ADAMTSL1: variants seen among roughly 807,000 people sequenced by gnomAD.
ADAMTSL1 encodes the protein ADAMTS like 1, also known as ADAMTS-like protein 1.
In ADAMTSL1, 126 loss-of-function variants were observed where a neutral mutation model predicts 201.8. The observed-to-expected ratio is 0.62, with a 90% confidence interval of 0.54 to 0.72. The LOEUF (loss-of-function observed/expected upper bound fraction) is 0.72, where lower values mean the gene tolerates loss of function less well. Among genes scored for constraint, ADAMTSL1 ranks in the 30% least tolerant of loss-of-function variants. ADAMTSL1 has a pLI of 0.00. For missense variants in ADAMTSL1, 2,679 were observed against 2,277.8 expected (o/e 1.18, Z -3.59); for synonymous variants, 1,121 against 903.4 (o/e 1.24, Z -4.32).
At chr9:18,114,045 G>T (rs949835564) in intron 1 of ADAMTSL1, among the ~76,000 whole-genome samples, 4 of 152,058 alleles carry the variant, frequency 2.6e-5, no homozygotes, top group African/African-American at 9.7e-5. Flanking sequence ...AGACCCACAA[G>T]AAGGATCAAA....
At chr9:18,498,478 A>C (rs1351819026) in intron 1 of ADAMTSL1, among the ~76,000 whole-genome samples, 1 of 152,016 alleles carries the variant, frequency 6.6e-6, no homozygotes, top group Non-Finnish European at 1.5e-5. Context: ...CTAGGATTAC[A>C]GGCAAGCGTC....
chr9:18,045,349 G>C (rs562655008), intron 1 of ADAMTSL1, among the ~76,000 whole-genome samples: 1 of 152,112 alleles, frequency 6.6e-6, no homozygotes, highest in Non-Finnish European at 1.5e-5. Flanking sequence ...AGCAGTTGGA[G>C]TTGGCATGAG....
chr9:18,092,311 T>C (rs1016029724), intron 1 of ADAMTSL1, among the ~76,000 whole-genome samples: 2 of 152,132 alleles, frequency 1.3e-5, no homozygotes, highest in Non-Finnish European at 2.9e-5. Flanking sequence ...ATTATCTCTC[T>C]GGGAAGGCGA....
chr9:17,910,438 T>A (rs1825877282), intron 1 of ADAMTSL1, among the ~76,000 whole-genome samples: 1 of 68,810 alleles, frequency 1.5e-5, no homozygotes, highest in African/African-American at 2.9e-5. Flanking sequence ...TTTCTTGGCA[T>A]TCATGACAAG....
At chr9:18,711,269 C>A (rs576677154) in intron 14 of ADAMTSL1, among the ~76,000 whole-genome samples, 2 of 152,194 alleles carry the variant, frequency 1.3e-5, no homozygotes. Context: ...GGAACAGCTC[C>A]GATCTACAGC....
At chr9:18,458,816 C>T (rs999864913) in intron 2 of ADAMTSL1, among the ~76,000 whole-genome samples, 1 of 152,144 alleles carries the variant, frequency 6.6e-6, no homozygotes, top group Non-Finnish European at 1.5e-5. Context: ...TCATGAAATT[C>T]TAGAGCTTGA....
rs1554650792 is a variant in ADAMTSL1 at position 18,289,175 on chromosome 9, A to ATCTATCTC, written c.207+125194_207+125195insTCTATCTC. 3.4e-5 allele frequency among the ~76,000 whole-genome samples: 4 copies of ATCTATCTC among 117,218 alleles called. No homozygotes were observed. In the East Asian group the frequency reaches 5.8e-4, roughly 17 times the overall value. 76.9% of individuals were successfully genotyped at this position (117,218 alleles called of 152,430 possible). A position where few individuals can be genotyped will look rare whatever the true frequency, so the allele number is the denominator to read the frequency against. On this transcript the variant is annotated intron_variant, in intron 2 of 29. Coordinates refer to the ADAMTSL1 transcript ENST00000680146. Reference sequence around the variant, plus strand: ...TATCTATCTATCTATCTATCTATCTACCTACCTATCTATCTATAGAGAGAT... The same window carrying ATCTATCTC: ...TATCTATCTATCTATCTATCTATCTATCTATCTCCCTACCTATCTATCTATAGAGAGAT...
chr9:18,321,886 A>G (rs911642594), intron 2 of ADAMTSL1, among the ~76,000 whole-genome samples: 2 of 152,238 alleles, frequency 1.3e-5, no homozygotes, highest in Non-Finnish European at 2.9e-5. Context: ...ATCATATGCT[A>G]TATGATAAAC....
chr9:18,194,805 C>A (rs1829109313), intron 2 of ADAMTSL1, among the ~76,000 whole-genome samples: 1 of 152,098 alleles, frequency 6.6e-6, no homozygotes, highest in African/African-American at 2.4e-5. Flanking sequence ...CCTAGACTTT[C>A]TGTACACCCA....
In ADAMTSL1 at chr9:18,015,423, C is replaced by T. The variant is rs536180723; in HGVS notation, c.87+108501C>T. On this transcript the variant is annotated intron_variant, in intron 1 of 29. Transcript: ENST00000680146. ...CAACTCCCTTTCTTCCTATTCCTGC[C>T]ACTCCCTTGGGGTCACCCAAAGCTT... Among the ~76,000 whole-genome samples, 9 of 152,184 alleles carry T rather than the reference C, an allele frequency of 5.9e-5. No individual in the cohort carries two copies. In the South Asian group the frequency reaches 1.9e-3, roughly 32 times the overall value.
intron 2 of ADAMTSL1, among the ~76,000 whole-genome samples, chr9:18,508,684 A>G (rs1197727480): frequency 6.6e-6 from 1 of 152,212 alleles, no homozygotes. Flanking sequence ...AGTTATAGTC[A>G]TGTATAAAAA....
intron 1 of ADAMTSL1, among the ~76,000 whole-genome samples, chr9:18,070,086 A>G (rs1008708602): frequency 1.4e-4 from 22 of 152,246 alleles, no homozygotes; most frequent in Admixed American, 4.6e-4. Flanking sequence ...ATGTGAGGCT[A>G]CAGGTCTATA....
At chr9:17,929,651 TTTG>T (rs1826699497) in intron 1 of ADAMTSL1, among the ~76,000 whole-genome samples, 1 of 152,150 alleles carries the variant, frequency 6.6e-6, no homozygotes, top group Non-Finnish European at 1.5e-5. Context: ...CTTTGCACAA[TTTG>T]TTTTCTTTGC....
intron 1 of ADAMTSL1, among the ~76,000 whole-genome samples, chr9:18,497,496 G>C (rs1822590318): frequency 6.6e-6 from 1 of 152,032 alleles, no homozygotes; most frequent in African/African-American, 2.4e-5. Context: ...ATCTCCTTTA[G>C]TCTTCCAAAT....
At chr9:18,591,706 A>T (rs1009599260) in intron 4 of ADAMTSL1, among the ~76,000 whole-genome samples, 1 of 152,172 alleles carries the variant, frequency 6.6e-6, no homozygotes, top group African/African-American at 2.4e-5. Context: ...CTAGGCTCAA[A>T]CACATCTTTA....
At chr9:17,907,323 C>T (rs578247004) in intron 1 of ADAMTSL1, among the ~76,000 whole-genome samples, 28 of 152,190 alleles carry the variant, frequency 1.8e-4, no homozygotes, top group Non-Finnish European at 3.8e-4. Flanking sequence ...GCTTGGGCGG[C>T]GCCGGGGACA....
intron 2 of ADAMTSL1, among the ~76,000 whole-genome samples, chr9:18,258,185 A>G (rs886325148): frequency 2.0e-5 from 3 of 152,260 alleles, no homozygotes; most frequent in Non-Finnish European, 2.9e-5. Context: ...TTGTACACTT[A>G]AAAATAGGCA....
rs1835509522 is a variant in ADAMTSL1 at position 18,342,510 on chromosome 9, T to A, written c.208-162319T>A. Among the ~76,000 whole-genome samples the A allele has an allele frequency of 2.0e-5, 3 of 152,304 alleles. No individual in the cohort carries two copies. The South Asian group carries it at 6.2e-4, about 32-fold the overall frequency. ...GCTTGTCTCATTTTAGTTACATCTC[T>A]CTAAGTTAGAGAATTATATTAGAAA... On this transcript the variant is annotated intron_variant, in intron 2 of 29. Transcript: ENST00000680146.
intron 26 of ADAMTSL1, among the ~76,000 whole-genome samples, chr9:18,895,068 C>T (rs1829537003): frequency 6.6e-6 from 1 of 152,176 alleles, no homozygotes; most frequent in African/African-American, 2.4e-5. Flanking sequence ...GACTGACAGG[C>T]AGTTACCTGT....
Sources: gnomAD v4.1 joint callset for allele counts (sites outside exome capture counted in the v4.1 genomes callset) on GRCh38, gnomAD v4.1.1 for gene constraint, MANE v1.5 for transcripts, NCBI Gene and HGNC (gene_info 2026-07-23, HGNC 2026-07-21) for gene names.